TRIP12: variants seen among roughly 807,000 people sequenced by gnomAD.
TRIP12 encodes the protein thyroid hormone receptor interactor 12.
In TRIP12, 25 loss-of-function variants were observed where a neutral mutation model predicts 244.2. The observed-to-expected ratio is 0.10, with a 90% CI of 0.07 to 0.14. TRIP12 has a LOEUF of 0.14. TRIP12 is among the 10% of genes least tolerant of loss of function. TRIP12 has a pLI of 1.00. For missense variants in TRIP12, 1,677 were observed against 2,486.4 expected, an observed-to-expected ratio of 0.67 and a Z score of 6.92; for synonymous variants, 905 against 873.1, an observed-to-expected ratio of 1.04 and a Z score of -0.64.
At chr2:229,880,858 C>T (rs746831965) in intron 1 of TRIP12, among the ~76,000 whole-genome samples, 20 of 152,226 alleles carry the variant, frequency 1.3e-4, no homozygotes, top group Non-Finnish European at 2.5e-4. Flanking sequence ...GCAGGAGAAT[C>T]GCTCGAACCC....
At chr2:229,787,885 C>A (rs564488323) in intron 32 of TRIP12, among the ~76,000 whole-genome samples, 1 of 152,124 alleles carries the variant, frequency 6.6e-6, no homozygotes, top group South Asian at 2.1e-4. Context: ...ACACTGCAAC[C>A]GCCACCTCCC....
At chr2:229,848,802 C>T (rs975024147) in intron 4 of TRIP12, among the ~76,000 whole-genome samples, 3 of 152,142 alleles carry the variant, frequency 2.0e-5, no homozygotes, top group Non-Finnish European at 4.4e-5. Flanking sequence ...AGACAGAATA[C>T]ACTATATAAT....
rs983438883 is a variant in TRIP12, at chr2:229,855,619, A to G, written c.1027+3153T>C. 1.7e-4 allele frequency among the ~76,000 whole-genome samples: 22 copies of G among 129,012 alleles called. No individual in the cohort carries two copies. The East Asian group carries it at 3.1e-3, about 18-fold the overall frequency. 84.6% of individuals were successfully genotyped at this position (129,012 alleles called of 152,430 possible). ...ACAAGGGTTTAAAAAAAAAAAAAAA[A>G]AAAAAGAGAAAAGAAAATGCTTCAT... On this transcript the variant is annotated intron_variant, in intron 4 of 41. Coordinates refer to ENST00000675903, the MANE Select transcript of TRIP12 (RefSeq NM_001348323.3).
intron 6 of TRIP12, among the ~76,000 whole-genome samples, chr2:229,832,952 ATTT>A (rs1237228705): frequency 2.6e-5 from 4 of 152,200 alleles, no homozygotes; most frequent in Non-Finnish European, 5.9e-5. Flanking sequence ...AATAGTGGGT[ATTT>A]TTTAAAACAC....
intron 4 of TRIP12, among the ~76,000 whole-genome samples, chr2:229,847,607 G>C (rs1389032774): frequency 6.6e-6 from 1 of 152,186 alleles, no homozygotes; most frequent in Non-Finnish European, 1.5e-5. Context: ...AATGCACTGG[G>C]AAGTCCAGAA....
intron 1 of TRIP12, among the ~76,000 whole-genome samples, chr2:229,893,956 G>A (rs539840112): frequency 6.6e-5 from 10 of 152,212 alleles, no homozygotes; most frequent in East Asian, 1.9e-4. Flanking sequence ...CAAGCAATCC[G>A]CCCACCTCAG....
intron 4 of TRIP12, among the ~76,000 whole-genome samples, chr2:229,852,565 C>T (rs1434157657): frequency 6.6e-6 from 1 of 152,174 alleles, no homozygotes; most frequent in Non-Finnish European, 1.5e-5. Flanking sequence ...AAACAAGAGA[C>T]AGCTATAACT....
At position 229,860,400 on chromosome 2, in the gene TRIP12, A is replaced by G. The variant is rs552469570; in HGVS notation, c.224+6T>C. The G allele has an allele frequency of 2.5e-6, 4 of 1,592,192 alleles. No individual in the cohort carries two copies. Among genetic ancestry groups the G allele is most frequent in the Admixed American group, 3.5e-5 (2 of 57,152 alleles). On this transcript the variant is annotated splice_donor_region_variant and intron_variant, in intron 3 of 41. Transcript: ENST00000675903. ...TTGAAAATGTATAAGCAACATGAAG[A>G]TTTACCTTTTAGAAAGGTGTCCCCT...
intron 34 of TRIP12, among the ~76,000 whole-genome samples, chr2:229,779,887 T>C (rs1178859820): frequency 1.3e-5 from 2 of 152,174 alleles, no homozygotes; most frequent in Non-Finnish European, 1.5e-5. Context: ...TCCTTCACGA[T>C]CTGTCAAGGT....
intron 1 of TRIP12, among the ~76,000 whole-genome samples, chr2:229,905,324 T>C (rs1401658854): frequency 1.3e-5 from 2 of 150,388 alleles, no homozygotes; most frequent in African/African-American, 2.4e-5. Context: ...AGTGGGCAAG[T>C]GCAGATAATA....
chr2:229,906,037 G>A (rs1021722262), intron 1 of TRIP12, among the ~76,000 whole-genome samples: 3 of 152,192 alleles, frequency 2.0e-5, no homozygotes, highest in African/African-American at 7.2e-5. Flanking sequence ...AGGCGCAGTG[G>A]CTCACGCCTG....
intron 39 of TRIP12, among the ~76,000 whole-genome samples, 161 bp from the exon 40 acceptor site, chr2:229,769,486 A>G (rs2033365360): frequency 6.6e-6 from 1 of 151,644 alleles, no homozygotes; most frequent in Non-Finnish European, 1.5e-5. Flanking sequence ...ATAAAATAAA[A>G]TAAAATTTAG....
At chr2:229,825,523 C>A (rs1371572169) in intron 8 of TRIP12, among the ~76,000 whole-genome samples, 3 of 152,176 alleles carry the variant, frequency 2.0e-5, no homozygotes, top group Non-Finnish European at 4.4e-5. Context: ...GGGGAGGCCT[C>A]AGGAAACTTA....
chr2:229,811,682 T>C (rs991312499), intron 13 of TRIP12, among the ~76,000 whole-genome samples: 1 of 152,144 alleles, frequency 6.6e-6, no homozygotes, highest in Admixed American at 6.5e-5. Context: ...TAATTCACTA[T>C]GAAAAAGTTA....
At chr2:229,838,781 A>C (rs1025251991) in intron 5 of TRIP12, among the ~76,000 whole-genome samples, 1 of 152,226 alleles carries the variant, frequency 6.6e-6, no homozygotes, top group Non-Finnish European at 1.5e-5. Flanking sequence ...CCTCAAAAGC[A>C]AACAGGTGTA....
Position 229,807,717 on chromosome 2 carries a change from C to T in TRIP12, c.2487G>A (p.Arg829=), listed in dbSNP as rs780520309. 1 of 1,614,150 alleles carries T rather than the reference C, an allele frequency of 6.2e-7. No individual in the cohort carries two copies. The highest frequency in any genetic ancestry group is 8.5e-7 in the Non-Finnish European group (1 of 1,180,024). Residue 829 remains arginine, a synonymous_variant, in exon 17 of 42, where the codon CGG becomes CGA. Coordinates refer to ENST00000675903, the MANE Select transcript of TRIP12 (RefSeq NM_001348323.3). ...LWHPYNRIDS[R]IIEAAHQVGE... is the part of the protein sequence containing the mutation. ...ACGATGAAACTACTACCTCAATGATCCGGCTGTCAATCCTGTTATATGGAT... is the reference window on the plus strand; with the variant it reads ...ACGATGAAACTACTACCTCAATGATTCGGCTGTCAATCCTGTTATATGGAT...
At chr2:229,786,181 A>C (rs1021415109) in intron 33 of TRIP12, among the ~76,000 whole-genome samples, 2 of 152,136 alleles carry the variant, frequency 1.3e-5, no homozygotes, top group African/African-American at 4.8e-5. Context: ...AGTTTCATGA[A>C]ATTTCCCTGG....
intron 6 of TRIP12, among the ~76,000 whole-genome samples, chr2:229,831,890 T>G (rs1306274732): frequency 5.4e-5 from 8 of 148,596 alleles, no homozygotes; most frequent in African/African-American, 2.0e-4. Context: ...TTTTTGGGTT[T>G]TTTTTTTTTT....
At chr2:229,770,413 A>AGATACT (rs1559284952) in intron 39 of TRIP12, among the ~76,000 whole-genome samples, 2 of 152,238 alleles carry the variant, frequency 1.3e-5, no homozygotes, top group Admixed American at 6.5e-5. Context: ...GCCTACAAGT[A>AGATACT]TCAGGCACAC....
Sources: allele counts gnomAD v4.1 joint callset (sites outside exome capture counted in the v4.1 genomes callset), GRCh38; gene constraint gnomAD v4.1.1; transcripts MANE v1.5; gene names NCBI Gene and HGNC (gene_info 2026-07-23, HGNC 2026-07-21).